MCTP1: variants seen among roughly 807,000 people sequenced by gnomAD.
MCTP1 encodes the protein multiple C2 and transmembrane domain containing 1.
Under a neutral mutation model 120.6 loss-of-function variants are expected in MCTP1, and 69 were observed. That is an observed-to-expected ratio of 0.57 (90% CI 0.47 to 0.70). The LOEUF (loss-of-function observed/expected upper bound fraction) is 0.70. Ranked by LOEUF, MCTP1 falls within the 30% of genes least tolerant of loss-of-function variation. The pLI is 0.00. For synonymous variants in MCTP1, 529 were observed against 493.1 expected, an observed-to-expected ratio of 1.07 and a Z score of -0.96; for missense variants, 1,203 against 1,248.8, an observed-to-expected ratio of 0.96 and a Z score of 0.55.
intron 1 of MCTP1, among the ~76,000 whole-genome samples, chr5:95,122,759 C>A (rs964302669): frequency 1.3e-5 from 2 of 152,084 alleles, no homozygotes. Context: ...GTGGCCATCA[C>A]CAGATGAACA....
At chr5:94,852,496 A>G (rs2153225280) in intron 17 of MCTP1, among the ~76,000 whole-genome samples, 1 of 152,030 alleles carries the variant, frequency 6.6e-6, no homozygotes, top group African/African-American at 2.4e-5. Context: ...AACAAAATAT[A>G]AAACTGAATA....
At chr5:95,072,589 AG>A (rs763248675) in intron 1 of MCTP1, among the ~76,000 whole-genome samples, 32 of 152,256 alleles carry the variant, frequency 2.1e-4, no homozygotes, top group Non-Finnish European at 4.1e-4. Flanking sequence ...TATGGTTACT[AG>A]CTCCAAAGAA....
intron 1 of MCTP1, among the ~76,000 whole-genome samples, chr5:95,267,627 T>C (rs1759013321): frequency 6.6e-6 from 1 of 152,240 alleles, no homozygotes. Context: ...AAGACAACTT[T>C]GTGAGTACAA....
At chr5:95,117,077 A>T (rs554695028) in intron 1 of MCTP1, among the ~76,000 whole-genome samples, 1 of 152,328 alleles carries the variant, frequency 6.6e-6, no homozygotes, top group African/African-American at 2.4e-5. Context: ...AAGGTGGGCA[A>T]CGGACATGAA....
At chr5:94,984,171 C>CT (rs1830039600) in intron 2 of MCTP1, among the ~76,000 whole-genome samples, 1 of 152,138 alleles carries the variant, frequency 6.6e-6, no homozygotes, top group Non-Finnish European at 1.5e-5. Flanking sequence ...AGTTTCCAGA[C>CT]TTATTACTCT....
chr5:95,023,696 T>C (rs934103108), intron 1 of MCTP1, among the ~76,000 whole-genome samples: 9 of 152,210 alleles, frequency 5.9e-5, no homozygotes, highest in African/African-American at 1.2e-4. Context: ...GGAGGGATGC[T>C]AGAAATAAAT....
rs920023506 is a variant in MCTP1, at chr5:94,909,144, CCTTT to C, written c.1652+103_1652+106del. ...AGCATTGCCTTACCATGGTAAAGTC[CCTTT>C]CTTCAAAACAGTAAAGATCATTTAC... On this transcript the variant is annotated intron_variant, in intron 10 of 22. Transcript: ENST00000515393. The C allele has an allele frequency of 5.4e-6, 7 of 1,306,536 alleles. No individual in the cohort carries two copies. The African/African-American group carries it at 1.1e-4, about 20-fold the overall frequency. 80.9% of individuals were successfully genotyped at this position (1,306,536 alleles called of 1,614,324 possible).
At chr5:94,794,442 G>A (rs1031716446) in intron 18 of MCTP1, among the ~76,000 whole-genome samples, 1 of 152,204 alleles carries the variant, frequency 6.6e-6, no homozygotes, top group Non-Finnish European at 1.5e-5. Flanking sequence ...AAGGTTACTG[G>A]TTACCTTACA....
intron 10 of MCTP1, among the ~76,000 whole-genome samples, chr5:94,906,175 T>C (rs1248353266): frequency 1.3e-5 from 2 of 152,056 alleles, no homozygotes; most frequent in African/African-American, 4.8e-5. Context: ...TGCCTGACTA[T>C]ATTAGTTCAA....
In MCTP1 at chr5:94,888,989, T is replaced by C; in HGVS notation, c.1840-17A>G. 1 of 1,554,132 alleles carries C rather than the reference T, an allele frequency of 6.4e-7. No individual in the cohort carries two copies. Among genetic ancestry groups the C allele is most frequent in the Non-Finnish European group, 8.9e-7 (1 of 1,125,442 alleles). ...CAATGGGCTCTGAAAGACCCCAACATCAGTATTAGAAAAGGGAGGTCCCAA... is the reference window on the plus strand; with the variant it reads ...CAATGGGCTCTGAAAGACCCCAACACCAGTATTAGAAAAGGGAGGTCCCAA... On this transcript the variant is annotated splice_polypyrimidine_tract_variant and intron_variant, in intron 11 of 22. Coordinates refer to ENST00000515393, the MANE Select transcript of MCTP1 (RefSeq NM_024717.7).
intron 1 of MCTP1, among the ~76,000 whole-genome samples, chr5:95,176,910 G>A (rs915483960): frequency 6.6e-6 from 1 of 151,516 alleles, no homozygotes; most frequent in African/African-American, 2.4e-5. Context: ...TGTCGCCCAG[G>A]CTAGAGTGCA....
intron 1 of MCTP1, among the ~76,000 whole-genome samples, chr5:95,195,459 A>G (rs938728707): frequency 6.6e-6 from 1 of 152,182 alleles, no homozygotes; most frequent in African/African-American, 2.4e-5. Flanking sequence ...AGCACAGGAA[A>G]TGGAGCTCTC....
chr5:95,192,720 G>T (rs1398364256), intron 1 of MCTP1, among the ~76,000 whole-genome samples: 1 of 151,998 alleles, frequency 6.6e-6, no homozygotes, highest in Admixed American at 6.6e-5. Context: ...TTACCTATTG[G>T]TAATTTTCAG....
intron 1 of MCTP1, among the ~76,000 whole-genome samples, chr5:95,182,143 C>T (rs1474840117): frequency 6.6e-6 from 1 of 152,162 alleles, no homozygotes; most frequent in Non-Finnish European, 1.5e-5. Flanking sequence ...ACCAAAGGAA[C>T]TCAGTGAAGC....
intron 1 of MCTP1, among the ~76,000 whole-genome samples, chr5:95,065,579 T>A (rs911110695): frequency 6.6e-6 from 1 of 152,142 alleles, no homozygotes; most frequent in Admixed American, 6.6e-5. Flanking sequence ...TTTAAGAAAA[T>A]CTAGCAAGGC....
At position 94,969,750 on chromosome 5, in the gene MCTP1, G is replaced by T. The variant is rs188878002; in HGVS notation, c.839-16389C>A. The stretch of plus-strand genomic sequence containing the variant: ...CTTTGCTGTCCAATTGTAACAGAGG[G>T]TATCCTTGTAGAATAAGGTCCTTCA... On this transcript the variant is annotated intron_variant, in intron 2 of 22. Transcript: ENST00000515393. 1.3e-3 allele frequency among the ~76,000 whole-genome samples: 193 copies of T among 152,172 alleles called. 1 individual carries two copies. The highest frequency in any genetic ancestry group is 4.5e-3 in the African/African-American group (188 of 41,532).
chr5:95,104,315 G>T (rs553153659), intron 1 of MCTP1, among the ~76,000 whole-genome samples: 25 of 152,146 alleles, frequency 1.6e-4, no homozygotes, highest in African/African-American at 6.0e-4. Context: ...AACCTTTGTG[G>T]TTTTCATTTT....
At chr5:94,863,429 C>CTATTGTACT (rs1231732211) in intron 17 of MCTP1, among the ~76,000 whole-genome samples, 13 of 151,780 alleles carry the variant, frequency 8.6e-5, no homozygotes, top group African/African-American at 2.7e-4. Context: ...TGTGGTAGTA[C>CTATTGTACT]TATTGTCTCT....
chr5:94,932,820 A>G (rs746329365), intron 5 of MCTP1, among the ~76,000 whole-genome samples: 2 of 152,024 alleles, frequency 1.3e-5, no homozygotes, highest in Non-Finnish European at 2.9e-5. Flanking sequence ...GGCAAGGAAT[A>G]TAGCTTAAAG....
Sources: allele counts gnomAD v4.1 joint callset (sites outside exome capture counted in the v4.1 genomes callset), GRCh38; gene constraint gnomAD v4.1.1; transcripts MANE v1.5; gene names NCBI Gene and HGNC (gene_info 2026-07-23, HGNC 2026-07-21).